The following RABEP1 variants were observed in gnomAD, a reference collection of about 807,000 sequenced individuals.
The protein encoded by RABEP1 is rab GTPase-binding effector protein 1.
A neutral mutation model predicts 123.4 loss-of-function variants in RABEP1; 51 were observed. The observed-to-expected ratio is 0.41, with a 90% confidence interval of 0.33 to 0.52. The LOEUF (loss-of-function observed/expected upper bound fraction) is 0.52, where lower values mean the gene tolerates loss of function less well. Among genes scored for constraint, RABEP1 ranks in the 20% least tolerant of loss-of-function variants. RABEP1 has a pLI of 0.16. For missense variants in RABEP1, 888 were observed against 996.3 expected, an observed-to-expected ratio of 0.89 and a Z score of 1.46; for synonymous variants, 347 against 355.2, an observed-to-expected ratio of 0.98 and a Z score of 0.26.
intron 10 of RABEP1, 60 bp from the exon 11 acceptor site, chr17:5,365,061 TA>T (rs58953748): frequency 0.57 from 516,680 of 905,088 alleles, 110,201 homozygotes; most frequent in Admixed American, 0.66. Flanking sequence ...GAGTTAGATT[TA>T]AAAAAAAAAA....
chr17:5,298,112 A>G (rs1266362048), intron 1 of RABEP1, among the ~76,000 whole-genome samples: 1 of 152,228 alleles, frequency 6.6e-6, no homozygotes, highest in African/African-American at 2.4e-5. Context: ...GGAAAAGCCC[A>G]TAAATAATGC....
Position 5,363,081 on chromosome 17 carries a change from G to GC in RABEP1, c.1668+71dup, listed in dbSNP as rs781097990. 2.4e-6 allele frequency: 3 copies of GC among 1,225,860 alleles called. No homozygotes were observed. In the African/African-American group the frequency reaches 4.5e-5, roughly 18 times the overall value. The allele number at this position is 1,225,860 out of a possible 1,614,324, so 75.9% of individuals were successfully genotyped here. On this transcript the variant is annotated intron_variant, in intron 10 of 17. Transcript: ENST00000537505. Reference sequence around the variant, plus strand: ...TTTCATTGGAGGTGCAGAATTAATTGCCCCCCTCTCCGGCCCCAGCCCCAT... The same window carrying GC: ...TTTCATTGGAGGTGCAGAATTAATTGCCCCCCCTCTCCGGCCCCAGCCCCAT...
intron 14 of RABEP1, 82 bp downstream of exon 14, chr17:5,377,387 C>T (rs1227739558): frequency 9.2e-7 from 1 of 1,092,256 alleles, no homozygotes; most frequent in African/African-American, 1.6e-5. Context: ...GCCATGGAGT[C>T]TGGAACACAG....
At position 5,385,750 on chromosome 17, in the gene RABEP1, C is replaced by T; in HGVS notation, c.*2527C>T. 4.3e-6 allele frequency: 1 copy of T among 232,000 alleles called. No individual in the cohort carries two copies. The highest frequency in any genetic ancestry group is 8.5e-6 in the Non-Finnish European group (1 of 117,512). The allele number at this position is 232,000 out of a possible 1,614,324, so 14.4% of individuals were successfully genotyped here. On this transcript the variant is annotated 3_prime_UTR_variant, in exon 18 of 18. Coordinates refer to ENST00000537505, the MANE Select transcript of RABEP1 (RefSeq NM_004703.6). ...GATTTCAGGTGTAACCATTTGTTAACTGTACTGAAGGTGTGTCCTCAAGAA... is the reference window on the plus strand; with the variant it reads ...GATTTCAGGTGTAACCATTTGTTAATTGTACTGAAGGTGTGTCCTCAAGAA...
rs1910807599 is a variant in RABEP1, at chr17:5,374,414, C to A, written c.2025+960C>A. ...TTCCCAGAGACATTCATAATTCTCT[C>A]CTTAACTTTATCCAAGCTTAATTTT... On this transcript the variant is annotated intron_variant, in intron 13 of 17. Coordinates refer to ENST00000537505, the MANE Select transcript of RABEP1 (RefSeq NM_004703.6). Among the ~76,000 whole-genome samples the A allele has an allele frequency of 2.6e-5, 4 of 151,886 alleles. No homozygotes were observed. The South Asian group carries it at 8.3e-4, about 32-fold the overall frequency.
chr17:5,358,526 C>T (rs9892644), intron 8 of RABEP1, among the ~76,000 whole-genome samples: 11,585 of 152,036 alleles, frequency 0.076, 812 homozygotes, highest in African/African-American at 0.18. Flanking sequence ...AAAAATTAGT[C>T]GTGCATGGTG....
chr17:5,354,373 A>G lies in RABEP1; in HGVS notation c.978A>G (p.Gln326=). 1 of 1,611,920 alleles carries G rather than the reference A, an allele frequency of 6.2e-7. No individual in the cohort carries two copies. The highest frequency in any genetic ancestry group is 8.5e-7 in the Non-Finnish European group (1 of 1,179,088). The part of the protein sequence containing the change: ...LKKKDQEDDE[Q]QRLNKRKDHK... The stretch of plus-strand genomic sequence containing the variant: ...CTTCCTTTTAGGAGGATGATGAACA[A>G]CAAAGACTCAATAAGAGAAAGGATC... Residue 326 remains glutamine, a synonymous_variant, in exon 8 of 18, where the codon CAA becomes CAG. Transcript: ENST00000537505.
intron 2 of RABEP1, among the ~76,000 whole-genome samples, chr17:5,326,997 A>G (rs909333981): frequency 6.6e-6 from 1 of 152,218 alleles, no homozygotes; most frequent in African/African-American, 2.4e-5. Flanking sequence ...GCTGTACAGC[A>G]CGTTACTGTA....
intron 2 of RABEP1, among the ~76,000 whole-genome samples, chr17:5,316,172 C>A (rs905982820): frequency 6.6e-6 from 1 of 152,200 alleles, no homozygotes; most frequent in East Asian, 1.9e-4. Flanking sequence ...GCTAGTAGGC[C>A]GGCTGCAGTG....
intron 1 of RABEP1, among the ~76,000 whole-genome samples, chr17:5,306,910 A>T (rs1045400401): frequency 6.6e-6 from 1 of 152,256 alleles, no homozygotes; most frequent in African/African-American, 2.4e-5. Flanking sequence ...GAATGGTTGT[A>T]TGAGTACCAT....
At chr17:5,378,771 C>G (rs927258086) in intron 15 of RABEP1, 5 of 166,646 alleles carry the variant, frequency 3.0e-5, no homozygotes, top group African/African-American at 1.2e-4. Context: ...ATCTGCCATC[C>G]TTCCAGCTCT....
intron 9 of RABEP1, 51 bp from the exon 10 acceptor site, chr17:5,362,861 T>G: frequency 8.5e-7 from 1 of 1,173,374 alleles, no homozygotes; most frequent in Non-Finnish European, 1.3e-6. Context: ...ACCTCAAGTG[T>G]GTGATGTAGA....
chr17:5,309,227 A>C (rs1277935413), intron 2 of RABEP1, among the ~76,000 whole-genome samples: 1 of 152,216 alleles, frequency 6.6e-6, no homozygotes, highest in Non-Finnish European at 1.5e-5. Flanking sequence ...TTTATTTAAT[A>C]TCTACTATGA....
intron 4 of RABEP1, among the ~76,000 whole-genome samples, chr17:5,337,151 T>C (rs992629401): frequency 2.6e-5 from 4 of 152,218 alleles, no homozygotes; most frequent in African/African-American, 7.2e-5. Context: ...AGAATGGACT[T>C]GGGAAAGCAA....
At chr17:5,321,716 G>T (rs1330681085) in intron 2 of RABEP1, among the ~76,000 whole-genome samples, 1 of 152,212 alleles carries the variant, frequency 6.6e-6, no homozygotes, top group Non-Finnish European at 1.5e-5. Flanking sequence ...CCAAAAAAGA[G>T]CAGGAGTAAG....
chr17:5,349,055 T>A (rs980148965), intron 6 of RABEP1, among the ~76,000 whole-genome samples: 10 of 152,192 alleles, frequency 6.6e-5, no homozygotes, highest in African/African-American at 2.4e-4. Context: ...TGTCTCTACC[T>A]CCAGCCCTTG....
intron 2 of RABEP1, among the ~76,000 whole-genome samples, chr17:5,311,697 C>CAAAAAAAA (rs35876639): frequency 2.8e-5 from 2 of 70,870 alleles, no homozygotes; most frequent in African/African-American, 1.2e-4. Context: ...GACTTCATCT[C>CAAAAAAAA]AAAAAAAAAA....
At position 5,361,772 on chromosome 17, in the gene RABEP1, C is replaced by G. The variant is rs2144677064; in HGVS notation, c.1563+97C>G. 26 of 1,032,072 alleles carry G rather than the reference C, an allele frequency of 2.5e-5. 2 individuals carry two copies. In the South Asian group the frequency reaches 4.3e-4, roughly 17 times the overall value. The allele number at this position is 1,032,072 out of a possible 1,614,324, so 63.9% of individuals were successfully genotyped here. ...TCATTCAACAGACGGTTCCTGGAGT[C>G]AGTGCAGGCACATGTTGCCAGCAAG... On this transcript the variant is annotated intron_variant, in intron 9 of 17. Transcript: ENST00000537505.
chr17:5,293,281 C>A (rs76420897), intron 1 of RABEP1, among the ~76,000 whole-genome samples: 19,626 of 151,714 alleles, frequency 0.13, 1,314 homozygotes, highest in East Asian at 0.17. Flanking sequence ...GAGGGAAACT[C>A]TGTCTCCCCC....
Sources: allele counts gnomAD v4.1 joint callset (sites outside exome capture counted in the v4.1 genomes callset), GRCh38; gene constraint gnomAD v4.1.1; transcripts MANE v1.5; gene names NCBI Gene and HGNC (gene_info 2026-07-23, HGNC 2026-07-21).